DCC: variants seen among roughly 807,000 people sequenced by gnomAD.
DCC encodes netrin receptor DCC.
Under a neutral mutation model 172.5 loss-of-function variants are expected in DCC, and 58 were observed. The observed-to-expected ratio is 0.34, with a 90% CI of 0.27 to 0.42. The LOEUF (loss-of-function observed/expected upper bound fraction) is 0.42, where lower values mean the gene tolerates loss of function less well. DCC is among the 10% of genes least tolerant of loss of function. The probability of loss-of-function intolerance (pLI) is 1.00; values close to 1 mark genes in which losing one functional copy is unlikely to be tolerated. For missense variants in DCC, 1,740 were observed against 1,791.0 expected, an observed-to-expected ratio of 0.97 and a Z score of 0.51; for synonymous variants, 709 against 644.5, an observed-to-expected ratio of 1.10 and a Z score of -1.52.
At chr18:53,244,323 T>A (rs2056340833) in intron 12 of DCC, among the ~76,000 whole-genome samples, 1 of 152,172 alleles carries the variant, frequency 6.6e-6, no homozygotes, top group Non-Finnish European at 1.5e-5. Context: ...ATGGGGTTCC[T>A]TTTACCAAGT....
chr18:53,158,008 T>G (rs9963399), intron 8 of DCC, among the ~76,000 whole-genome samples: 60,796 of 152,058 alleles, frequency 0.4, 13,114 homozygotes, highest in East Asian at 0.71. Context: ...AGACAAATGC[T>G]TGAGGTGATG....
chr18:52,384,822 A>G (rs1985727553), intron 1 of DCC, among the ~76,000 whole-genome samples: 1 of 152,166 alleles, frequency 6.6e-6, no homozygotes, highest in Admixed American at 6.5e-5. Context: ...CACTGCATTC[A>G]TATTTGATGA....
At chr18:52,734,929 A>G (rs976854541) in intron 1 of DCC, among the ~76,000 whole-genome samples, 2 of 152,158 alleles carry the variant, frequency 1.3e-5, no homozygotes, top group Admixed American at 1.3e-4. Context: ...TTTCTGGGTG[A>G]CATAAATGTT....
intron 12 of DCC, among the ~76,000 whole-genome samples, chr18:53,272,722 T>C (rs746121265): frequency 1.5e-4 from 23 of 152,150 alleles, no homozygotes; most frequent in Non-Finnish European, 2.6e-4. Context: ...AAAATCTCAT[T>C]GTAAGGAAAA....
intron 2 of DCC, among the ~76,000 whole-genome samples, chr18:52,838,408 T>C (rs2038749676): frequency 6.6e-6 from 1 of 152,222 alleles, no homozygotes; most frequent in South Asian, 2.1e-4. Context: ...TTCAGGATAA[T>C]ACTTGCATGT....
At chr18:52,559,709 G>GA (rs1041189072) in intron 1 of DCC, among the ~76,000 whole-genome samples, 23 of 146,154 alleles carry the variant, frequency 1.6e-4, no homozygotes, top group South Asian at 1.3e-3. Flanking sequence ...TTTACTCTTA[G>GA]AAAAAAAAAA....
At chr18:52,618,340 T>C (rs549632334) in intron 1 of DCC, among the ~76,000 whole-genome samples, 3 of 152,318 alleles carry the variant, frequency 2.0e-5, no homozygotes, top group African/African-American at 4.8e-5. Context: ...TTAATAATTA[T>C]GCAGAATAAA....
chr18:52,598,044 AT>A (rs1386109595), intron 1 of DCC, among the ~76,000 whole-genome samples: 1 of 152,190 alleles, frequency 6.6e-6, no homozygotes, highest in African/African-American at 2.4e-5. Flanking sequence ...ACGTTGGAAA[AT>A]GTGTACACTT....
intron 1 of DCC, among the ~76,000 whole-genome samples, chr18:52,383,517 C>A (rs923612518): frequency 6.6e-6 from 1 of 151,912 alleles, no homozygotes; most frequent in Non-Finnish European, 1.5e-5. Flanking sequence ...TATTATGTAG[C>A]ATTTGTTTAT....
At chr18:53,088,033 G>A (rs1255592604) in intron 7 of DCC, among the ~76,000 whole-genome samples, 6 of 152,148 alleles carry the variant, frequency 3.9e-5, no homozygotes, top group African/African-American at 7.2e-5. Context: ...TAGTCAGGTA[G>A]CGTGATGCCT....
chr18:52,633,595 T>G (rs990847191), intron 1 of DCC, among the ~76,000 whole-genome samples: 1 of 152,232 alleles, frequency 6.6e-6, no homozygotes, highest in African/African-American at 2.4e-5. Flanking sequence ...TGATGAACTT[T>G]TGATTTTTAA....
chr18:52,770,846 T>G (rs2037329482), intron 2 of DCC, among the ~76,000 whole-genome samples: 1 of 152,230 alleles, frequency 6.6e-6, no homozygotes, highest in Non-Finnish European at 1.5e-5. Context: ...GTTTTAATAG[T>G]GATCTCACAT....
chr18:52,524,665 A>T (rs1306962545), intron 1 of DCC, among the ~76,000 whole-genome samples: 1 of 152,180 alleles, frequency 6.6e-6, no homozygotes, highest in African/African-American at 2.4e-5. Flanking sequence ...TGCTCACTTT[A>T]TCCCTCTGGT....
chr18:53,227,123 A>G (rs1280568145), intron 12 of DCC, among the ~76,000 whole-genome samples: 2 of 150,220 alleles, frequency 1.3e-5, no homozygotes, highest in Admixed American at 6.7e-5. Context: ...AATTTTTTGT[A>G]TTTTTAATAG....
intron 21 of DCC, among the ~76,000 whole-genome samples, chr18:53,419,748 A>T (rs62098265): frequency 0.43 from 65,542 of 151,834 alleles, 15,911 homozygotes; most frequent in Non-Finnish European, 0.55. Flanking sequence ...GCTCAGAGAG[A>T]TGTTATTTGT....
At chr18:53,182,583 C>T (rs759640148) in intron 9 of DCC, among the ~76,000 whole-genome samples, 11 of 152,150 alleles carry the variant, frequency 7.2e-5, no homozygotes, top group East Asian at 1.9e-4. Context: ...GTCTTTCTTA[C>T]GGACATTAGA....
chr18:52,500,487 T>C (rs1028312609), intron 1 of DCC, among the ~76,000 whole-genome samples: 4 of 152,184 alleles, frequency 2.6e-5, no homozygotes, highest in Admixed American at 1.3e-4. Context: ...TTAGAACCAT[T>C]GTAATACTTG....
chr18:52,896,707 G>T (rs1248045508), intron 2 of DCC, among the ~76,000 whole-genome samples: 1 of 152,134 alleles, frequency 6.6e-6, no homozygotes, highest in Non-Finnish European at 1.5e-5. Context: ...AACTGCCTCT[G>T]TTGGCCCTAT....
chr18:52,480,256 G>A (rs1454412384), intron 1 of DCC, among the ~76,000 whole-genome samples: 2 of 151,314 alleles, frequency 1.3e-5, no homozygotes, highest in African/African-American at 2.4e-5. Flanking sequence ...TAAGAACAGG[G>A]GATAGATCTA....
Sources: gnomAD v4.1 joint callset for allele counts (sites outside exome capture counted in the v4.1 genomes callset) on GRCh38, gnomAD v4.1.1 for gene constraint, MANE v1.5 for transcripts, NCBI Gene and HGNC (gene_info 2026-07-23, HGNC 2026-07-21) for gene names.